The following HPCAL1 variants were observed in gnomAD, a reference collection of about 807,000 sequenced individuals.
HPCAL1 encodes hippocalcin like 1.
HPCAL1 carries 8 observed loss-of-function variants against 17.1 expected under a neutral mutation model. The observed-to-expected ratio is 0.47, with a 90% CI of 0.27 to 0.84. The LOEUF (loss-of-function observed/expected upper bound fraction) is 0.84. Ranked by LOEUF, HPCAL1 falls within the 40% of genes least tolerant of loss-of-function variation. The pLI is 0.13. For missense variants in HPCAL1, 165 were observed against 271.1 expected, an observed-to-expected ratio of 0.61 and a Z score of 2.75; for synonymous variants, 112 against 111.4, an observed-to-expected ratio of 1.01 and a Z score of -0.03.
chr2:10,386,708 CA>C (rs1668332534), intron 1 of HPCAL1, among the ~76,000 whole-genome samples: 1 of 152,168 alleles, frequency 6.6e-6, no homozygotes, highest in Non-Finnish European at 1.5e-5. Flanking sequence ...TCATCAGTGG[CA>C]GGGGCCTTGG....
At position 10,377,500 on chromosome 2, in the gene HPCAL1, C is replaced by A. The variant is rs894793078; in HGVS notation, c.-110-19335C>A. Among the ~76,000 whole-genome samples, 1 of 152,162 alleles carries A rather than the reference C, an allele frequency of 6.6e-6. No homozygotes were observed. The highest frequency in any genetic ancestry group is 2.4e-5 in the African/African-American group (1 of 41,440). On this transcript the variant is annotated intron_variant, in intron 1 of 4. Coordinates refer to ENST00000307845, the MANE Select transcript of HPCAL1 (RefSeq NM_002149.4). This position sits in a 1 kb window ranked among gnomAD's most constrained non-coding sequence, Gnocchi z 5.9. Reference sequence around the variant, plus strand: ...GCCATCTGAGTGTCACGACCACACCCCCATCCCTGTCCTTTCACGCACTGT... The same window carrying A: ...GCCATCTGAGTGTCACGACCACACCACCATCCCTGTCCTTTCACGCACTGT...
intron 2 of HPCAL1, among the ~76,000 whole-genome samples, chr2:10,399,262 TCACCAC>T (rs1558517643): frequency 3.9e-3 from 56 of 14,280 alleles, no homozygotes; most frequent in Middle Eastern, 0.019. Flanking sequence ...ACCACCACCA[TCACCAC>T]CACCACCACC....
chr2:10,419,989 G>A lies in HPCAL1; in HGVS notation c.232G>A (p.Gly78Ser), dbSNP rs887167624. 3.1e-6 allele frequency: 5 copies of A among 1,613,996 alleles called. No individual in the cohort carries two copies. In the East Asian group the frequency reaches 8.9e-5, roughly 29 times the overall value. ...CCGCACCTTCGACACCAACGGCGACGGCACCATCGACTTCCGGGAGTTCAT... is the reference window on the plus strand; with the variant it reads ...CCGCACCTTCGACACCAACGGCGACAGCACCATCGACTTCCGGGAGTTCAT... The part of the protein sequence containing the change: ...VFRTFDTNGD[G>S]TIDFREFIIA... The change falls in exon 3 of 5, where the codon GGC becomes AGC. Residue 78 changes from glycine (G) to serine (S), a missense_variant. Physicochemically the swap from Gly to Ser is moderately conservative, Grantham distance 56. Coordinates refer to ENST00000307845, the MANE Select transcript of HPCAL1 (RefSeq NM_002149.4). This position sits in a 1 kb window ranked among gnomAD's most constrained non-coding sequence, Gnocchi z 5.0.
rs542310576 is a variant in HPCAL1, at chr2:10,331,883, T to C, written c.-111+28706T>C. On this transcript the variant is annotated intron_variant, in intron 1 of 4. Coordinates refer to ENST00000307845, the MANE Select transcript of HPCAL1 (RefSeq NM_002149.4). The surrounding 1 kb of genome is among the most constrained non-coding windows in gnomAD (Gnocchi z 5.0). ...TTGTCATTTACGAGACAGCCCTGTG[T>C]CACCTGTTGATTCAGAGGGAGCTCT... is the stretch of plus-strand genomic sequence containing the variant. Among the ~76,000 whole-genome samples the C allele has an allele frequency of 2.6e-5, 4 of 152,276 alleles. No individual in the cohort carries two copies. In the South Asian group the frequency reaches 8.3e-4, roughly 32 times the overall value.
At chr2:10,416,109 G>A (rs183416533) in intron 2 of HPCAL1, among the ~76,000 whole-genome samples, 2 of 152,370 alleles carry the variant, frequency 1.3e-5, no homozygotes, top group Non-Finnish European at 2.9e-5. Flanking sequence ...TCAGTGGTCA[G>A]GAGGGTTCCC....
chr2:10,316,030 T>C (rs954446303), intron 1 of HPCAL1, among the ~76,000 whole-genome samples: 91 of 152,312 alleles, frequency 6.0e-4, no homozygotes, highest in African/African-American at 2.1e-3. Context: ...ATCCAGAGTC[T>C]TCCAGGAAAT....
At chr2:10,386,987 G>C (rs1193911941) in intron 1 of HPCAL1, among the ~76,000 whole-genome samples, 2 of 152,222 alleles carry the variant, frequency 1.3e-5, no homozygotes, top group African/African-American at 4.8e-5. Flanking sequence ...GAGAAGCGGG[G>C]CTTGCAGGCC....
At chr2:10,420,210 T>TTTTA in intron 3 of HPCAL1, 75 bp downstream of exon 3, 4 of 270,230 alleles carry the variant, frequency 1.5e-5, no homozygotes, top group Middle Eastern at 1.7e-3. Flanking sequence ...AGCCCAGGGC[T>TTTTA]TTTTTTTTTT....
At chr2:10,369,693 AG>A (rs1667089277) in intron 1 of HPCAL1, among the ~76,000 whole-genome samples, 1 of 152,176 alleles carries the variant, frequency 6.6e-6, no homozygotes, top group African/African-American at 2.4e-5. Flanking sequence ...GCCTTCTTGG[AG>A]GAGGTGGTGG....
intron 1 of HPCAL1, among the ~76,000 whole-genome samples, chr2:10,329,936 C>CTACCATAT (rs1664253540): frequency 6.6e-6 from 1 of 152,168 alleles, no homozygotes; most frequent in Admixed American, 6.5e-5. Flanking sequence ...GGATGCAGGC[C>CTACCATAT]GAGGCCATAT....
At chr2:10,426,557 T>C (rs544652345) in intron 4 of HPCAL1, 167 bp from the exon 5 acceptor site, 1 of 644,380 alleles carries the variant, frequency 1.6e-6, no homozygotes, top group East Asian at 2.7e-5. Context: ...GGATTTTTTT[T>C]CAGAAATGCC....
At chr2:10,404,717 C>T (rs1398200894) in intron 2 of HPCAL1, among the ~76,000 whole-genome samples, 2 of 152,222 alleles carry the variant, frequency 1.3e-5, no homozygotes, top group Non-Finnish European at 2.9e-5. Context: ...GACTGGGCTT[C>T]TTCTGTCCTT....
rs191624621 is a variant in HPCAL1 at position 10,385,536 on chromosome 2, T to C, written c.-110-11299T>C. ...GCTGGGCTGTGATTTTTTCATCCAA[T>C]GTGCTGGGCTGATTTCACTTGCGGA... On this transcript the variant is annotated intron_variant, in intron 1 of 4. Coordinates refer to ENST00000307845, the MANE Select transcript of HPCAL1 (RefSeq NM_002149.4). Among the ~76,000 whole-genome samples, 8 of 152,222 alleles carry C rather than the reference T, an allele frequency of 5.3e-5. No individual in the cohort carries two copies. The South Asian group carries it at 6.2e-4, about 12-fold the overall frequency.
chr2:10,308,677 C>A (rs1017471859), intron 1 of HPCAL1, among the ~76,000 whole-genome samples: 2 of 152,126 alleles, frequency 1.3e-5, no homozygotes, highest in Non-Finnish European at 2.9e-5. Flanking sequence ...AGCACTGGCA[C>A]CTACAGAATA....
chr2:10,348,403 C>T (rs747706355), intron 1 of HPCAL1, among the ~76,000 whole-genome samples: 35 of 152,094 alleles, frequency 2.3e-4, no homozygotes, highest in Middle Eastern at 3.4e-3. Context: ...GAGCCGAGAT[C>T]GCTCCACTGC....
chr2:10,417,229 G>T (rs1211894290), intron 2 of HPCAL1, among the ~76,000 whole-genome samples: 3 of 152,220 alleles, frequency 2.0e-5, no homozygotes, highest in East Asian at 3.9e-4. Flanking sequence ...TGGGCATGGT[G>T]GTGCATACCT....
intron 1 of HPCAL1, among the ~76,000 whole-genome samples, chr2:10,325,447 G>A (rs927406972): frequency 7.9e-5 from 12 of 152,202 alleles, no homozygotes; most frequent in African/African-American, 2.4e-4. Flanking sequence ...GCTCCAAGGC[G>A]GCAGTGCCAG....
chr2:10,378,594 A>G (rs986987325), intron 1 of HPCAL1, among the ~76,000 whole-genome samples: 1 of 152,096 alleles, frequency 6.6e-6, no homozygotes, highest in African/African-American at 2.4e-5. Flanking sequence ...AAGGACACTA[A>G]TACCATCATG....
intron 1 of HPCAL1, among the ~76,000 whole-genome samples, chr2:10,349,243 C>T (rs940760407): frequency 3.3e-5 from 5 of 152,210 alleles, no homozygotes; most frequent in East Asian, 1.9e-4. Flanking sequence ...CTTATTAGAA[C>T]GTCTCAAACA....
Sources: allele counts gnomAD v4.1 joint callset (sites outside exome capture counted in the v4.1 genomes callset), GRCh38; gene constraint gnomAD v4.1.1; non-coding constraint Gnocchi (gnomAD v3.1); transcripts MANE v1.5; gene names NCBI Gene and HGNC (gene_info 2026-07-23, HGNC 2026-07-21).